The following COL1A2 variants were observed in gnomAD, a reference collection of about 807,000 sequenced individuals.
COL1A2 encodes collagen alpha-2(I) chain.
In COL1A2, 49 loss-of-function variants were observed where a neutral mutation model predicts 174.3. The ratio of observed to expected loss-of-function variants is 0.28; its 90% CI spans 0.22 to 0.36. The LOEUF (loss-of-function observed/expected upper bound fraction) is 0.36, where lower values mean the gene tolerates loss of function less well. Among genes scored for constraint, COL1A2 ranks in the 10% least tolerant of loss-of-function variants. The probability of loss-of-function intolerance (pLI) is 1.00; values close to 1 mark genes in which losing one functional copy is unlikely to be tolerated. For synonymous variants in COL1A2, 655 were observed against 606.6 expected (o/e 1.08, Z -1.17); for missense variants, 1,438 against 1,822.7 (o/e 0.79, Z 3.84).
intron 30 of COL1A2, 105 bp from the exon 31 acceptor site, chr7:94,416,300 T>A: frequency 1.0e-6 from 1 of 986,970 alleles, no homozygotes; most frequent in South Asian, 1.5e-5. Context: ...TGCTAATAAA[T>A]GCAAACCAGG....
Position 94,428,383 on chromosome 7 carries a change from C to G in COL1A2, c.3617C>G (p.Ala1206Gly). The G allele has an allele frequency of 6.2e-7, 1 of 1,614,036 alleles. No homozygotes were observed. The highest frequency in any genetic ancestry group is 1.1e-5 in the South Asian group (1 of 91,078). Residue 1206 changes from alanine to glycine, a missense_variant, in exon 50 of 52, where the codon GCC (alanine) becomes GGC (glycine). By Grantham distance (60) the Ala-to-Gly change is moderately conservative. This residue lies in a region of COL1A2 where 290 missense variants were observed against 298.1 expected (regional missense o/e 0.97). Coordinates refer to ENST00000297268, the MANE Select transcript of COL1A2 (RefSeq NM_000089.4). ...TCTACTGGCGAAACCTGTATCCGGGCCCAACCTGAAAACATCCCAGCCAAG... is the reference window on the plus strand; with the variant it reads ...TCTACTGGCGAAACCTGTATCCGGGGCCAACCTGAAAACATCCCAGCCAAG... ...DFSTGETCIR[A>G]QPENIPAKNW...
chr7:94,401,645 C>A, intron 6 of COL1A2, 25 bp downstream of exon 6: 1 of 1,554,298 alleles, frequency 6.4e-7, no homozygotes, highest in South Asian at 1.1e-5. Context: ...TTATCTTAGC[C>A]AAAAAAATTG....
rs535050755 is a variant in COL1A2 at position 94,416,412 on chromosome 7, G to A, written c.1772G>A (p.Arg591His). The change falls in exon 31 of 52, where the codon CGC becomes CAC. Residue 591 changes from arginine (R) to histidine (H), a missense_variant. By Grantham distance (29) the Arg-to-His change is conservative (BLOSUM62 0). Coordinates refer to ENST00000297268, the MANE Select transcript of COL1A2 (RefSeq NM_000089.4). Reference sequence around the variant, plus strand: ...TCTAATCACTTTTTTCAGGGGGAACGCGGTCCCCCAGGTGAGAGTGGTGCT... The same window carrying A: ...TCTAATCACTTTTTTCAGGGGGAACACGGTCCCCCAGGTGAGAGTGGTGCT... Reference protein sequence around the residue: ...LPGPAGPRGERGPPGESGAAG... With the variant: ...LPGPAGPRGEHGPPGESGAAG... The A allele has an allele frequency of 3.7e-5, 58 of 1,574,262 alleles. No homozygotes were observed. Among genetic ancestry groups the A allele is most frequent in the Non-Finnish European group, 4.5e-5 (52 of 1,158,804 alleles).
intron 15 of COL1A2, 98 bp downstream of exon 15, chr7:94,408,478 C>T: frequency 7.2e-7 from 1 of 1,387,610 alleles, no homozygotes; most frequent in Non-Finnish European, 1.0e-6. Context: ...ATTTCAGACA[C>T]TTTACCAAAT....
At chr7:94,410,558 A>C in intron 21 of COL1A2, 31 bp downstream of exon 21, 1 of 1,501,284 alleles carries the variant, frequency 6.7e-7, no homozygotes, top group Non-Finnish European at 9.1e-7. Context: ...ACACCCTAAC[A>C]CACCAGAGGC....
At position 94,401,633 on chromosome 7, in the gene COL1A2, G is replaced by C. The variant is rs1028235144; in HGVS notation, c.279+13G>C. On this transcript the variant is annotated intron_variant, in intron 6 of 51. Coordinates refer to ENST00000297268, the MANE Select transcript of COL1A2 (RefSeq NM_000089.4). ...CCCTGGACCAATGGTATGCTTATCTGTTTATCTTAGCCAAAAAAATTGCTA... is the reference window on the plus strand; with the variant it reads ...CCCTGGACCAATGGTATGCTTATCTCTTTATCTTAGCCAAAAAAATTGCTA... 1 of 1,578,556 alleles carries C rather than the reference G, an allele frequency of 6.3e-7. No homozygotes were observed. The highest frequency in any genetic ancestry group is 8.6e-7 in the Non-Finnish European group (1 of 1,157,906).
At chr7:94,425,045 G>A (rs745845849) in intron 41 of COL1A2, 72 bp from the exon 42 acceptor site, 105 of 1,310,564 alleles carry the variant, frequency 8.0e-5, no homozygotes, top group Non-Finnish European at 1.1e-4. Flanking sequence ...CCTGAGTAGG[G>A]TTGTTTTGGA....
At position 94,405,315 on chromosome 7, in the gene COL1A2, C is replaced by G. The variant is rs1221135765; in HGVS notation, c.486+63C>G. On this transcript the variant is annotated intron_variant, in intron 10 of 51. Transcript: ENST00000297268. ...TAGGCCTATAAGATAGTTGCTAAAA[C>G]TAGCATCAATCTAAATGACAACATA... The G allele has an allele frequency of 2.1e-6, 3 of 1,457,650 alleles. No homozygotes were observed. In the African/African-American group the frequency reaches 4.2e-5, roughly 20 times the overall value. The allele number at this position is 1,457,650 out of a possible 1,614,324, so 90.3% of individuals were successfully genotyped here. A position where few individuals can be genotyped will look rare whatever the true frequency, so the allele number is the denominator to read the frequency against.
Position 94,394,925 on chromosome 7 carries a change from G to C in COL1A2, c.-107G>C. The stretch of plus-strand genomic sequence containing the variant: ...CACGGCAGCAGGAGGTTTCGGCTAA[G>C]TTGGAGGTACTGGCCACGACTGCAT... On this transcript the variant is annotated 5_prime_UTR_variant, in exon 1 of 52. Coordinates refer to ENST00000297268, the MANE Select transcript of COL1A2 (RefSeq NM_000089.4). The C allele has an allele frequency of 3.4e-6, 3 of 875,572 alleles. No individual in the cohort carries two copies. Among genetic ancestry groups the C allele is most frequent in the South Asian group, 1.3e-5 (1 of 75,672 alleles). 54.2% of individuals were successfully genotyped at this position (875,572 alleles called of 1,614,324 possible).
intron 6 of COL1A2, among the ~76,000 whole-genome samples, chr7:94,402,534 C>T (rs1791707720): frequency 6.6e-6 from 1 of 151,720 alleles, no homozygotes; most frequent in Non-Finnish European, 1.5e-5. Context: ...ATGATGATGA[C>T]TATTAACAAA....
chr7:94,412,119 G>A lies in COL1A2; in HGVS notation c.1402G>A (p.Val468Ile), dbSNP rs770497661. The A allele has an allele frequency of 2.5e-5, 40 of 1,611,896 alleles. No homozygotes were observed. The highest frequency in any genetic ancestry group is 4.0e-5 in the African/African-American group (3 of 74,852). The change falls in exon 24 of 52, where the codon GTC (valine) becomes ATC (isoleucine). Residue 468 changes from valine to isoleucine, a missense_variant and splice_region_variant. Transcript: ENST00000297268. The stretch of plus-strand genomic sequence containing the variant: ...CGGCCCCGCTGGAAAAGAAGGTCCT[G>A]TCGTAAGTATTGCTCATTTTCCATT... ...NIGPAGKEGP[V>I]GLPGIDGRPG...
At chr7:94,420,319 A>G (rs886064990) in intron 35 of COL1A2, 33 bp downstream of exon 35, 6 of 1,614,084 alleles carry the variant, frequency 3.7e-6, no homozygotes, top group Non-Finnish European at 4.2e-6. Context: ...TTGTATACTC[A>G]CACCTCACAA....
rs1792350683 is a variant in COL1A2, at chr7:94,429,262, C to G, written c.3786C>G (p.Asn1262Lys). 7 of 1,613,920 alleles carry G rather than the reference C, an allele frequency of 4.3e-6. No individual in the cohort carries two copies. Among genetic ancestry groups the G allele is most frequent in the Non-Finnish European group, 5.9e-6 (7 of 1,179,984 alleles). ...TQLAFMRLLA[N>K]YASQNITYHC... ...TTGCCTTCATGCGCCTGCTGGCCAA[C>G]TATGCCTCTCAGAACATCACCTACC... Residue 1262 changes from asparagine to lysine, a missense_variant, in exon 51 of 52, where the codon AAC becomes AAG. Asn to Lys is a moderately conservative substitution (Grantham distance 94, BLOSUM62 0). Transcript: ENST00000297268.
intron 51 of COL1A2, chr7:94,429,827 C>G (rs1189608823): frequency 4.0e-6 from 1 of 251,154 alleles, no homozygotes; most frequent in Non-Finnish European, 7.7e-6. Context: ...ATTAGTATGG[C>G]CTACATTTAA....
At position 94,427,670 on chromosome 7, in the gene COL1A2, G is replaced by A. The variant is rs771438684; in HGVS notation, c.3311G>A (p.Ser1104Asn). The A allele has an allele frequency of 3.1e-6, 5 of 1,614,016 alleles. No individual in the cohort carries two copies. Among genetic ancestry groups the A allele is most frequent in the Non-Finnish European group, 4.2e-6 (5 of 1,180,024 alleles). Residue 1104 changes from serine (S) to asparagine (N), a missense_variant, in exon 49 of 52, where the codon AGC becomes AAC. This residue lies in a region of COL1A2 where 867 missense variants were observed against 1,213.7 expected (regional missense o/e 0.71). Coordinates refer to ENST00000297268, the MANE Select transcript of COL1A2 (RefSeq NM_000089.4). ...GGCCCTCCTGGACCTCCAGGTGTAA[G>A]CGGTGGTGGTTATGACTTTGGTTAC... ...PPGPPGPPGV[S>N]GGGYDFGYDG...
chr7:94,395,787 T>C (rs542264072), intron 1 of COL1A2, among the ~76,000 whole-genome samples: 27 of 152,316 alleles, frequency 1.8e-4, no homozygotes, highest in African/African-American at 6.5e-4. Flanking sequence ...GAATGGATGC[T>C]ACTTGGAGTG....
intron 45 of COL1A2, 136 bp downstream of exon 45, chr7:94,426,187 T>C (rs1792274253): frequency 1.1e-6 from 1 of 899,870 alleles, no homozygotes; most frequent in African/African-American, 1.7e-5. Context: ...TGAGAATTGA[T>C]ACAAATAACT....
Position 94,409,384 on chromosome 7 carries a change from G to C in COL1A2, c.855G>C (p.Val285=), listed in dbSNP as rs185254570. The C allele has an allele frequency of 1.2e-5, 19 of 1,614,152 alleles. No homozygotes were observed. The Admixed American group carries it at 3.2e-4, about 27-fold the overall frequency. ...PAGPAGPRGE[V]GLPGLSGPVG... is the part of the protein sequence containing the mutation. Reference sequence around the variant, plus strand: ...GTCCCGCCGGTCCCCGTGGTGAAGTGGGTCTTCCAGGCCTCTCCGGCCCCG... The same window carrying C: ...GTCCCGCCGGTCCCCGTGGTGAAGTCGGTCTTCCAGGCCTCTCCGGCCCCG... The change falls in exon 17 of 52, where the codon GTG becomes GTC. Residue 285 remains valine (V), a synonymous_variant. Transcript: ENST00000297268.
At chr7:94,399,668 A>G (rs935049730) in intron 4 of COL1A2, among the ~76,000 whole-genome samples, 1 of 152,210 alleles carries the variant, frequency 6.6e-6, no homozygotes, top group Non-Finnish European at 1.5e-5. Context: ...TATTTCACTC[A>G]ATTTATTAGA....
Sources: allele counts gnomAD v4.1 joint callset (sites outside exome capture counted in the v4.1 genomes callset), GRCh38; gene constraint gnomAD v4.1.1; regional missense constraint gnomAD v4.1.1; transcripts MANE v1.5; gene names NCBI Gene and HGNC (gene_info 2026-07-23, HGNC 2026-07-21).